Variants in SLC2A9 observed in about 807,000 individuals in gnomAD.
The protein encoded by SLC2A9 is solute carrier family 2, facilitated glucose transporter member 9.
SLC2A9 carries 39 observed loss-of-function variants against 50.6 expected under a neutral mutation model. The ratio of observed to expected loss-of-function variants is 0.77; its 90% confidence interval spans 0.60 to 1.01. The LOEUF is 1.01. SLC2A9 is among the 50% of genes least tolerant of loss of function. SLC2A9 has a pLI of 0.00. For synonymous variants in SLC2A9, 324 were observed against 276.9 expected (o/e 1.17, Z -1.69); for missense variants, 686 against 677.6 (o/e 1.01, Z -0.14).
At chr4:9,818,832 C>T (rs968558620) in intron 3 of SLC2A9, among the ~76,000 whole-genome samples, 1 of 152,094 alleles carries the variant, frequency 6.6e-6, no homozygotes, top group Non-Finnish European at 1.5e-5. Flanking sequence ...GAAAAGTATA[C>T]AGGTCTTGGG....
In SLC2A9 at chr4:9,917,325, C is replaced by CTTTTTTTTTT. The variant is rs55927201; in HGVS notation, c.1002+3050_1002+3059dup. ...CAACTTTTGAATAATTTCTTTTTTC[C>CTTTTTTTTTT]TTTTTTTTTTTTTTTTTTTTTTTTT... On this transcript the variant is annotated intron_variant, in intron 7 of 11. Coordinates refer to ENST00000264784, the MANE Select transcript of SLC2A9 (RefSeq NM_020041.3). Among the ~76,000 whole-genome samples, 238 of 81,812 alleles carry CTTTTTTTTTT rather than the reference C, an allele frequency of 2.9e-3. 2 individuals are homozygous for CTTTTTTTTTT. Among genetic ancestry groups the CTTTTTTTTTT allele is most frequent in the Non-Finnish European group, 3.4e-3 (161 of 46,940 alleles). The allele number at this position is 81,812 out of a possible 152,430, so 53.7% of individuals were successfully genotyped here.
At chr4:9,977,883 C>T (rs113297673) in intron 5 of SLC2A9, among the ~76,000 whole-genome samples, 90 of 152,296 alleles carry the variant, frequency 5.9e-4, no homozygotes, top group African/African-American at 2.0e-3. Context: ...CAATACCTGG[C>T]ACAATACCTA....
intron 3 of SLC2A9, among the ~76,000 whole-genome samples, chr4:9,810,894 G>T (rs1418166473): frequency 6.6e-6 from 1 of 152,184 alleles, no homozygotes; most frequent in East Asian, 1.9e-4. Flanking sequence ...TCTCACCGCT[G>T]ATCATCATCC....
chr4:9,822,395 T>C (rs1519093), downstream of SLC2A9, among the ~76,000 whole-genome samples: 141,948 of 152,172 alleles, frequency 0.93, 66,494 homozygotes, highest in Non-Finnish European at 0.96. Flanking sequence ...ATATTAATTA[T>C]TTGAGAGCTT....
At chr4:10,031,743 T>A (rs1472521830) in intron 1 of SLC2A9, among the ~76,000 whole-genome samples, 1 of 152,204 alleles carries the variant, frequency 6.6e-6, no homozygotes, top group African/African-American at 2.4e-5. Flanking sequence ...AAACCGAGAC[T>A]GAGTGAAGCA....
intron 3 of SLC2A9, among the ~76,000 whole-genome samples, chr4:9,992,868 G>A (rs754551595): frequency 2.0e-5 from 3 of 152,160 alleles, no homozygotes; most frequent in Admixed American, 6.5e-5. Context: ...ATTTGATCTC[G>A]TTCCACCCTC....
chr4:9,860,839 C>T (rs933267431), intron 10 of SLC2A9, among the ~76,000 whole-genome samples: 5 of 152,182 alleles, frequency 3.3e-5, no homozygotes, highest in Non-Finnish European at 5.9e-5. Context: ...TTCGGAGCTG[C>T]GATCATGAAT....
chr4:9,915,322 C>CT (rs1231427647), intron 7 of SLC2A9, among the ~76,000 whole-genome samples: 2 of 152,240 alleles, frequency 1.3e-5, no homozygotes, highest in Non-Finnish European at 2.9e-5. Flanking sequence ...ATTGCAACCT[C>CT]TGCCTCCTGG....
chr4:9,868,922 G>A (rs1732959664), intron 10 of SLC2A9, among the ~76,000 whole-genome samples: 1 of 152,180 alleles, frequency 6.6e-6, no homozygotes, highest in South Asian at 2.1e-4. Flanking sequence ...AAAGGCATGG[G>A]TTCTGATTCC....
At chr4:9,786,126 T>A (rs1167228233) in intron 3 of SLC2A9, among the ~76,000 whole-genome samples, 3 of 152,196 alleles carry the variant, frequency 2.0e-5, no homozygotes, top group Admixed American at 1.3e-4. Context: ...AGGATTAATG[T>A]TAATTGCTGT....
chr4:9,857,102 A>G (rs1730847121), intron 10 of SLC2A9, among the ~76,000 whole-genome samples: 2 of 152,102 alleles, frequency 1.3e-5, no homozygotes, highest in African/African-American at 4.8e-5. Flanking sequence ...TACCCCTGAA[A>G]CGAAAAGTTA....
At chr4:9,772,276 G>T (rs191837443) in intron 1 of SLC2A9, among the ~76,000 whole-genome samples, 5 of 152,160 alleles carry the variant, frequency 3.3e-5, no homozygotes, top group Non-Finnish European at 5.9e-5. Context: ...GGGGTTGGCT[G>T]GTGGAGCCAT....
At chr4:9,829,780 C>T (rs1265954294) in intron 11 of SLC2A9, among the ~76,000 whole-genome samples, 1 of 152,140 alleles carries the variant, frequency 6.6e-6, no homozygotes, top group Non-Finnish European at 1.5e-5. Context: ...CATCACTGAT[C>T]ATTAGAGAAA....
chr4:9,789,758 T>C (rs573615376), intron 3 of SLC2A9, among the ~76,000 whole-genome samples: 10 of 152,372 alleles, frequency 6.6e-5, no homozygotes, highest in African/African-American at 2.2e-4. Flanking sequence ...CATTTTGATA[T>C]TGCAGGTATG....
Position 9,908,249 on chromosome 4 carries a change from C to T in SLC2A9, c.1099G>A (p.Ala367Thr). The change falls in exon 8 of 12, where the codon GCT becomes ACT. Residue 367 changes from alanine (A) to threonine (T), a missense_variant. Physicochemically the swap from Ala to Thr is moderately conservative, Grantham distance 58 (BLOSUM62 0). Transcript: ENST00000264784. Reference sequence around the variant, plus strand: ...AGTTGACTTACAGAGAAGACGGCAGCCAAAGTCTCGATGCCCCCTGTACTC... The same window carrying T: ...AGTTGACTTACAGAGAAGACGGCAGTCAAAGTCTCGATGCCCCCTGTACTC... Reference protein sequence around the residue: ...TLSTGGIETLAAVFSGLVIEH... With the variant: ...TLSTGGIETLTAVFSGLVIEH... The T allele has an allele frequency of 1.2e-6, 2 of 1,613,680 alleles. No individual in the cohort carries two copies. The highest frequency in any genetic ancestry group is 8.5e-7 in the Non-Finnish European group (1 of 1,179,568).
intron 3 of SLC2A9, among the ~76,000 whole-genome samples, chr4:9,799,398 T>C (rs189310020): frequency 2.0e-5 from 3 of 152,294 alleles, no homozygotes; most frequent in East Asian, 1.9e-4. Context: ...TGCTTTAAGA[T>C]GATGCCTTCT....
At chr4:10,011,839 T>G (rs3756236) in intron 2 of SLC2A9, among the ~76,000 whole-genome samples, 1 of 152,010 alleles carries the variant, frequency 6.6e-6, no homozygotes, top group Non-Finnish European at 1.5e-5. Context: ...CCTATTTAGA[T>G]GCTATGCAGC....
intron 10 of SLC2A9, among the ~76,000 whole-genome samples, chr4:9,841,848 G>C (rs1728127114): frequency 2.0e-5 from 3 of 152,172 alleles, no homozygotes; most frequent in Admixed American, 1.3e-4. Flanking sequence ...TGAGAGGGCT[G>C]TTTGGGGGGA....
intron 2 of SLC2A9, among the ~76,000 whole-genome samples, chr4:10,011,176 T>C (rs1263297055): frequency 2.6e-5 from 4 of 152,206 alleles, no homozygotes; most frequent in Admixed American, 6.5e-5. Flanking sequence ...CTTTAGAACA[T>C]TGCTTCCAGA....
Sources: allele counts gnomAD v4.1 joint callset (sites outside exome capture counted in the v4.1 genomes callset), GRCh38; gene constraint gnomAD v4.1.1; transcripts MANE v1.5; gene names NCBI Gene and HGNC (gene_info 2026-07-23, HGNC 2026-07-21).